The following KCNMA1 variants were observed in gnomAD, a reference collection of about 807,000 sequenced individuals.
KCNMA1 encodes the protein potassium calcium-activated channel subfamily M alpha 1, also known as Calcium-activated potassium channel subunit alpha-1.
A neutral mutation model predicts 140.0 loss-of-function variants in KCNMA1; 29 were observed. That is an observed-to-expected ratio of 0.21 (90% CI 0.15 to 0.28). The LOEUF is 0.28. KCNMA1 is among the 10% of genes least tolerant of loss of function. KCNMA1 has a pLI of 1.00. For missense variants in KCNMA1, 880 were observed against 1,602.2 expected (o/e 0.55, Z 7.70); for synonymous variants, 612 against 611.9 (o/e 1.00, Z 0.00).
chr10:76,957,500 T>C (rs2068871334), intron 20 of KCNMA1, among the ~76,000 whole-genome samples: 1 of 152,188 alleles, frequency 6.6e-6, no homozygotes, highest in Non-Finnish European at 1.5e-5. Flanking sequence ...GTTATAAAAA[T>C]TGAAAGTAAT....
At chr10:76,948,405 T>G (rs1418492215) in intron 22 of KCNMA1, among the ~76,000 whole-genome samples, 2 of 152,234 alleles carry the variant, frequency 1.3e-5, no homozygotes, top group Admixed American at 6.5e-5. Context: ...CATCAAATGT[T>G]GAAATGCATA....
At chr10:77,506,706 C>G (rs866105180) in intron 1 of KCNMA1, among the ~76,000 whole-genome samples, 6 of 21,014 alleles carry the variant, frequency 2.9e-4, no homozygotes, top group Non-Finnish European at 4.0e-4. Context: ...GAGAGATGTT[C>G]CGAGAGAGAG....
chr10:77,602,017 A>C (rs541338528), intron 1 of KCNMA1, among the ~76,000 whole-genome samples: 1 of 152,278 alleles, frequency 6.6e-6, no homozygotes, highest in Non-Finnish European at 1.5e-5. Context: ...CCTATTCTAA[A>C]TGGCACTGAG....
intron 19 of KCNMA1, among the ~76,000 whole-genome samples, chr10:76,989,925 G>T (rs1907722): frequency 2.0e-5 from 3 of 151,884 alleles, no homozygotes; most frequent in African/African-American, 7.3e-5. Context: ...ATGTGATCTT[G>T]GTCAAGTTCA....
intron 2 of KCNMA1, among the ~76,000 whole-genome samples, chr10:77,262,100 G>T (rs1228424908): frequency 6.6e-6 from 1 of 152,150 alleles, no homozygotes; most frequent in Non-Finnish European, 1.5e-5. Context: ...TTAAAGCTGG[G>T]ACTCAAACAA....
At chr10:77,571,885 A>G (rs2071490528) in intron 1 of KCNMA1, among the ~76,000 whole-genome samples, 1 of 152,156 alleles carries the variant, frequency 6.6e-6, no homozygotes, top group South Asian at 2.1e-4. Flanking sequence ...AGGGCCTTCT[A>G]AGGAATAAGC....
intron 19 of KCNMA1, among the ~76,000 whole-genome samples, chr10:76,998,719 C>T (rs2085185489): frequency 6.6e-6 from 1 of 152,124 alleles, no homozygotes. Flanking sequence ...AGTCAACTTG[C>T]TCTGTCAAAT....
intron 1 of KCNMA1, among the ~76,000 whole-genome samples, chr10:77,491,714 TACACACACACACACACACACACACAC>T: frequency 6.9e-6 from 1 of 145,580 alleles, no homozygotes; most frequent in East Asian, 2.1e-4. Flanking sequence ...TTAGAAGTCA[TACACACACACACACACACACACACAC>T]ACACACACAC....
intron 17 of KCNMA1, among the ~76,000 whole-genome samples, chr10:77,018,488 GCA>G (rs1299811821): frequency 3.9e-5 from 6 of 152,190 alleles, no homozygotes; most frequent in Non-Finnish European, 7.3e-5. Context: ...ATCCTGTGCT[GCA>G]CTTACAGTGG....
At chr10:77,541,689 A>C (rs550618788) in intron 1 of KCNMA1, among the ~76,000 whole-genome samples, 1 of 152,294 alleles carries the variant, frequency 6.6e-6, no homozygotes. Context: ...TGAGTCACTA[A>C]AAAAATAAGA....
intron 1 of KCNMA1, chr10:77,636,371 T>C (rs2093727372): frequency 2.6e-6 from 4 of 1,533,526 alleles, no homozygotes; most frequent in Non-Finnish European, 3.5e-6. Flanking sequence ...CCGGTGGGCG[T>C]CTGCACCAGG....
intron 2 of KCNMA1, among the ~76,000 whole-genome samples, chr10:77,287,366 A>T (rs2071379255): frequency 6.6e-6 from 1 of 152,142 alleles, no homozygotes; most frequent in Non-Finnish European, 1.5e-5. Context: ...GAAAGCACAG[A>T]CTATCTACCT....
chr10:77,130,188 G>GCAAAA (rs1442356177), intron 5 of KCNMA1, among the ~76,000 whole-genome samples: 2 of 152,122 alleles, frequency 1.3e-5, no homozygotes, highest in East Asian at 3.8e-4. Context: ...TTTCAGTGGT[G>GCAAAA]CAAAAGTGAT....
At chr10:77,336,246 G>T (rs1360843050) in intron 2 of KCNMA1, among the ~76,000 whole-genome samples, 1 of 152,104 alleles carries the variant, frequency 6.6e-6, no homozygotes, top group Admixed American at 6.6e-5. Flanking sequence ...ATGAGAAAAG[G>T]TGTCCCAGAA....
chr10:77,242,229 T>C (rs899122037), intron 3 of KCNMA1, among the ~76,000 whole-genome samples: 1 of 152,260 alleles, frequency 6.6e-6, no homozygotes, highest in Admixed American at 6.5e-5. Context: ...TCATCTATCA[T>C]TGGACAACAG....
chr10:77,301,165 T>G (rs529225720), intron 2 of KCNMA1, among the ~76,000 whole-genome samples: 1 of 152,274 alleles, frequency 6.6e-6, no homozygotes, highest in East Asian at 1.9e-4. Context: ...AAAGCAGAGG[T>G]TCTTCCTCAG....
chr10:77,144,134 C>T (rs1388674348), intron 5 of KCNMA1, among the ~76,000 whole-genome samples: 2 of 152,106 alleles, frequency 1.3e-5, no homozygotes, highest in Admixed American at 1.3e-4. Context: ...TTCATAACAG[C>T]TTTATTCAAA....
chr10:77,290,928 G>A (rs1243019818), intron 2 of KCNMA1, among the ~76,000 whole-genome samples: 7 of 152,284 alleles, frequency 4.6e-5, no homozygotes, highest in Admixed American at 1.3e-4. Flanking sequence ...GCCAGGAGGG[G>A]CAGTTGGAAA....
At chr10:77,399,912 C>G (rs289274) in intron 2 of KCNMA1, among the ~76,000 whole-genome samples, 45,597 of 152,004 alleles carry the variant, frequency 0.3, 6,842 homozygotes, top group Middle Eastern at 0.44. Flanking sequence ...GCAAATTCTT[C>G]CCCAGCTGGA....
Sources: allele counts gnomAD v4.1 joint callset (sites outside exome capture counted in the v4.1 genomes callset), GRCh38; gene constraint gnomAD v4.1.1; transcripts MANE v1.5; gene names NCBI Gene and HGNC (gene_info 2026-07-23, HGNC 2026-07-21).